The following AFAP1 variants were observed in gnomAD, a reference collection of about 807,000 sequenced individuals.
The protein encoded by AFAP1 is actin filament-associated protein 1.
In AFAP1, 75 loss-of-function variants were observed where a neutral mutation model predicts 93.9. The ratio of observed to expected loss-of-function variants is 0.80; its 90% CI spans 0.66 to 0.97. The LOEUF (loss-of-function observed/expected upper bound fraction) is 0.97. Among genes scored for constraint, AFAP1 ranks in the 50% least tolerant of loss-of-function variants. AFAP1 has a pLI of 0.00. For synonymous variants in AFAP1, 517 were observed against 430.7 expected, an observed-to-expected ratio of 1.20 and a Z score of -2.48; for missense variants, 1,201 against 1,050.8, an observed-to-expected ratio of 1.14 and a Z score of -1.98.
At chr4:7,876,004 GT>G (rs1717483048) in intron 1 of AFAP1, among the ~76,000 whole-genome samples, 1 of 152,070 alleles carries the variant, frequency 6.6e-6, no homozygotes. Flanking sequence ...GAAATGGATG[GT>G]GAATATACCT....
chr4:7,834,092 T>TACACACACACACACACACACAC (rs142790415), intron 6 of AFAP1, among the ~76,000 whole-genome samples: 30 of 126,668 alleles, frequency 2.4e-4, no homozygotes, highest in African/African-American at 8.6e-4. Context: ...AACTGTGGCA[T>TACACACACACACACACACACAC]ACACACACAC....
intron 10 of AFAP1, chr4:7,798,806 A>G: frequency 1.1e-6 from 1 of 879,004 alleles, no homozygotes; most frequent in Non-Finnish European, 1.4e-6. Flanking sequence ...CTTCTTCACC[A>G]AACAGCTCCT....
intron 17 of AFAP1, among the ~76,000 whole-genome samples, chr4:7,767,479 C>G (rs937066045): frequency 6.6e-6 from 1 of 152,160 alleles, no homozygotes; most frequent in Non-Finnish European, 1.5e-5. Context: ...CTAAACATCC[C>G]CCAGGCAAAA....
intron 9 of AFAP1, among the ~76,000 whole-genome samples, chr4:7,803,582 G>A (rs1046055598): frequency 1.3e-5 from 2 of 148,432 alleles, no homozygotes; most frequent in African/African-American, 4.9e-5. Flanking sequence ...AAGAGGGCAT[G>A]GACTCTGCAG....
intron 6 of AFAP1, among the ~76,000 whole-genome samples, chr4:7,828,562 A>C (rs1180677548): frequency 6.6e-6 from 1 of 152,148 alleles, no homozygotes; most frequent in Non-Finnish European, 1.5e-5. Flanking sequence ...TGTTCTCTGC[A>C]GGCGTATGCG....
rs1223005351 is a variant in AFAP1 at position 7,762,698 on chromosome 4, T to A, written c.*1067A>T. ...AGCACGGCCAGGCCCACCAACACAT[T>A]AGTGGTTTAACTTGACAAGCTGGAG... On this transcript the variant is annotated 3_prime_UTR_variant, in exon 18 of 18. Coordinates refer to ENST00000420658, the MANE Select transcript of AFAP1 (RefSeq NM_001134647.2). 1 of 152,230 alleles carries A rather than the reference T, an allele frequency of 6.6e-6. No individual in the cohort carries two copies. Among genetic ancestry groups the A allele is most frequent in the African/African-American group, 2.4e-5 (1 of 41,448 alleles). The allele number at this position is 152,230 out of a possible 1,614,324, so 9.4% of individuals were successfully genotyped here.
At chr4:7,828,566 G>A (rs979864355) in intron 6 of AFAP1, among the ~76,000 whole-genome samples, 1 of 152,202 alleles carries the variant, frequency 6.6e-6, no homozygotes, top group South Asian at 2.1e-4. Context: ...CTCTGCAGGC[G>A]TATGCGGAGC....
chr4:7,829,077 T>C (rs1721672366), intron 6 of AFAP1, among the ~76,000 whole-genome samples: 1 of 152,220 alleles, frequency 6.6e-6, no homozygotes, highest in African/African-American at 2.4e-5. Context: ...TCTCTCCTGC[T>C]GCCATGTGAA....
chr4:7,897,275 G>T (rs750528528), intron 1 of AFAP1, among the ~76,000 whole-genome samples: 16 of 152,182 alleles, frequency 1.1e-4, no homozygotes, highest in Non-Finnish European at 2.2e-4. Flanking sequence ...AGTAAATTCA[G>T]TTATGCAAAC....
chr4:7,790,793 C>T (rs1016324301), intron 11 of AFAP1, among the ~76,000 whole-genome samples: 3 of 152,148 alleles, frequency 2.0e-5, no homozygotes, highest in Non-Finnish European at 4.4e-5. Flanking sequence ...ACGGTAAGTA[C>T]TAGACTACAT....
At chr4:7,845,101 G>A (rs189811122) in intron 4 of AFAP1, among the ~76,000 whole-genome samples, 1 of 152,154 alleles carries the variant, frequency 6.6e-6, no homozygotes, top group Admixed American at 6.5e-5. Context: ...AAGATTTAGA[G>A]TTTAAGTTGA....
chr4:7,771,172 C>T (rs1414805645), intron 16 of AFAP1, among the ~76,000 whole-genome samples: 1 of 152,256 alleles, frequency 6.6e-6, no homozygotes. Flanking sequence ...CAGGGATTCT[C>T]ACCTATCTTG....
intron 1 of AFAP1, among the ~76,000 whole-genome samples, chr4:7,903,740 G>T (rs1719246601): frequency 6.6e-6 from 1 of 152,138 alleles, no homozygotes; most frequent in Admixed American, 6.5e-5. Context: ...GAAAGAACAT[G>T]AAAGATTAAT....
intron 6 of AFAP1, among the ~76,000 whole-genome samples, chr4:7,830,156 G>C (rs555073276): frequency 1.1e-4 from 16 of 152,116 alleles, no homozygotes; most frequent in Non-Finnish European, 1.9e-4. Context: ...GGGGCGGGGC[G>C]AGGGGGAAGC....
intron 4 of AFAP1, among the ~76,000 whole-genome samples, chr4:7,847,319 T>A (rs1419372506): frequency 6.6e-6 from 1 of 151,734 alleles, no homozygotes; most frequent in Non-Finnish European, 1.5e-5. Context: ...TGCTTAGTGA[T>A]GGTCCAATCA....
At chr4:7,835,854 G>C (rs1577271505) in intron 6 of AFAP1, among the ~76,000 whole-genome samples, 1 of 151,790 alleles carries the variant, frequency 6.6e-6, no homozygotes, top group Non-Finnish European at 1.5e-5. Flanking sequence ...GAGGTTACCT[G>C]GGTGGCTCTT....
intron 13 of AFAP1, 83 bp downstream of exon 13, chr4:7,781,293 C>G: frequency 6.7e-7 from 1 of 1,481,782 alleles, no homozygotes; most frequent in Non-Finnish European, 9.1e-7. Flanking sequence ...TTGATGAGTC[C>G]CATTTACTAC....
At chr4:7,870,096 A>C (rs1009469389) in intron 2 of AFAP1, among the ~76,000 whole-genome samples, 4 of 152,206 alleles carry the variant, frequency 2.6e-5, no homozygotes, top group African/African-American at 9.7e-5. Context: ...TTCAATCCTC[A>C]CAACATCCCA....
rs540708373 is a variant in AFAP1, at chr4:7,781,256, A to G, written c.1782+120T>C. On this transcript the variant is annotated intron_variant, in intron 13 of 17. Coordinates refer to ENST00000420658, the MANE Select transcript of AFAP1 (RefSeq NM_001134647.2). ...GGCTGCAAATTATATTCTAGTTGAGAAAAAAAAAACACATTATGCTTTGCC... is the reference window on the plus strand; with the variant it reads ...GGCTGCAAATTATATTCTAGTTGAGGAAAAAAAAACACATTATGCTTTGCC... 9.8e-6 allele frequency: 12 copies of G among 1,221,838 alleles called. No individual in the cohort carries two copies. The East Asian group carries it at 1.8e-4, about 19-fold the overall frequency. The allele number at this position is 1,221,838 out of a possible 1,614,324, so 75.7% of individuals were successfully genotyped here. A position where few individuals can be genotyped will look rare whatever the true frequency, so the allele number is the denominator to read the frequency against.
Sources: allele counts gnomAD v4.1 joint callset (sites outside exome capture counted in the v4.1 genomes callset), GRCh38; gene constraint gnomAD v4.1.1; transcripts MANE v1.5; gene names NCBI Gene and HGNC (gene_info 2026-07-23, HGNC 2026-07-21).